Variants in ARL17A observed in about 807,000 individuals in gnomAD.
ARL17A encodes the protein ARF like GTPase 17A, also known as ADP-ribosylation factor-like 17-like.
chr17:46,502,938 C>T, the ARL17A span, among the ~76,000 whole-genome samples: 26 of 150,474 alleles, frequency 1.7e-4, 3 homozygotes, highest in African/African-American at 5.5e-4. Context: ...CATTGCCAGG[C>T]GTGGTGGCTC....
At chr17:46,530,020 GTTGT>G (rs2053430352) in intron 4 of ARL17A, among the ~76,000 whole-genome samples, 2 of 146,434 alleles carry the variant, frequency 1.4e-5, no homozygotes, top group African/African-American at 5.1e-5. Context: ...ACTTTGCCAA[GTTGT>G]TTGGCTACAT....
the ARL17A span, among the ~76,000 whole-genome samples, chr17:46,500,490 T>A: frequency 6.7e-6 from 1 of 149,820 alleles, no homozygotes; most frequent in East Asian, 2.0e-4. Context: ...ATTTACCAGA[T>A]GATTTTTGTG....
downstream of ARL17A, among the ~76,000 whole-genome samples, chr17:46,516,490 G>T (rs1305507682): frequency 4.2e-5 from 6 of 143,818 alleles, no homozygotes; most frequent in Admixed American, 2.8e-4. Context: ...GCCATAATTT[G>T]TTAAATAGGA....
downstream of ARL17A, chr17:46,548,183 T>G: frequency 1.2e-4 from 28 of 233,216 alleles, no homozygotes; most frequent in South Asian, 7.5e-4. Context: ...GGGTGTGTGT[T>G]TCTCCTCTCT....
chr17:46,543,563 G>C (rs2055803519), intron 3 of ARL17A, among the ~76,000 whole-genome samples: 1 of 150,900 alleles, frequency 6.6e-6, no homozygotes, highest in African/African-American at 2.5e-5. Flanking sequence ...GGTTATGTCA[G>C]AGAATGCCTT....
chr17:46,501,477 A>G, the ARL17A span, among the ~76,000 whole-genome samples: 39 of 151,314 alleles, frequency 2.6e-4, 4 homozygotes, highest in African/African-American at 8.9e-4. Flanking sequence ...GCCTGACCAT[A>G]TATTTACCTT....
At position 46,541,264 on chromosome 17, in the gene ARL17A, G is replaced by A. The variant is rs556835507; in HGVS notation, c.260-2838C>T. On this transcript the variant is annotated intron_variant, in intron 3 of 4. Coordinates refer to the ARL17A transcript ENST00000329240. ...TTCACAAAGCCTAATTTTTTTTTTT[G>A]TTTTTGAAATGGAATCTCACTCTGT... Among the ~76,000 whole-genome samples the A allele has an allele frequency of 3.4e-5, 5 of 148,676 alleles. No homozygotes were observed. In the East Asian group the frequency reaches 9.8e-4, roughly 29 times the overall value.
At chr17:46,534,595 C>A (rs1317575415) in intron 4 of ARL17A, among the ~76,000 whole-genome samples, 3 of 148,132 alleles carry the variant, frequency 2.0e-5, no homozygotes, top group Non-Finnish European at 4.4e-5. Context: ...ATGTCTACTT[C>A]TTTCTACACA....
downstream of ARL17A, among the ~76,000 whole-genome samples, chr17:46,525,617 C>A (rs56025260): frequency 0.6 from 63,138 of 104,576 alleles, 14,362 homozygotes; most frequent in East Asian, 0.83. Flanking sequence ...TAATAATAAT[C>A]ATCATCATCA....
downstream of ARL17A, chr17:46,549,018 G>T (rs527794638): frequency 3.1e-6 from 5 of 1,612,326 alleles, no homozygotes; most frequent in Middle Eastern, 3.3e-4. Flanking sequence ...CAAATACGAA[G>T]ACGTCTAAAC....
chr17:46,545,616 T>C (rs200056038), intron 3 of ARL17A, among the ~76,000 whole-genome samples: 4,997 of 124,644 alleles, frequency 0.04, 13 homozygotes, highest in East Asian at 0.3. Context: ...AGTGACACTT[T>C]TAAAAATTCT....
intron 2 of ARL17A, among the ~76,000 whole-genome samples, chr17:46,575,011 G>A (rs1404778676): frequency 2.7e-5 from 2 of 74,618 alleles, no homozygotes; most frequent in African/African-American, 8.7e-5. Context: ...CATGAGAATC[G>A]CCTGAACCCA....
Position 46,553,341 on chromosome 17 carries a change from G to A in ARL17A, c.*4015C>T. 6.2e-7 allele frequency: 1 copy of A among 1,608,598 alleles called. No homozygotes were observed. Among genetic ancestry groups the A allele is most frequent in the South Asian group, 1.1e-5 (1 of 90,976 alleles). On this transcript the variant is annotated 3_prime_UTR_variant, in exon 4 of 4. Transcript: ENST00000336125. ...ATAATGAATAAAAGGAATCAATACA[G>A]ATTTGGAGACGGTGGTTGTTGTCAT...
At chr17:46,503,136 C>G in the ARL17A span, among the ~76,000 whole-genome samples, 1 of 147,426 alleles carries the variant, frequency 6.8e-6, no homozygotes, top group Non-Finnish European at 1.5e-5. Flanking sequence ...GGCGTGAACC[C>G]GGGAGGCGGA....
intron 3 of ARL17A, among the ~76,000 whole-genome samples, chr17:46,545,299 AAATT>A (rs2056116476): frequency 6.8e-6 from 1 of 147,732 alleles, no homozygotes; most frequent in Non-Finnish European, 1.5e-5. Context: ...AAAAAAAAAA[AAATT>A]AGCTGGGCAT....
chr17:46,501,052 G>A, the ARL17A span, among the ~76,000 whole-genome samples: 1 of 151,240 alleles, frequency 6.6e-6, no homozygotes, highest in Non-Finnish European at 1.5e-5. Context: ...GCATGGTGGT[G>A]GTACTTTTTA....
intron 4 of ARL17A, among the ~76,000 whole-genome samples, chr17:46,531,911 T>G (rs2053687342): frequency 7.5e-6 from 1 of 133,236 alleles, no homozygotes; most frequent in Non-Finnish European, 1.5e-5. Context: ...TACTCCCATG[T>G]TTTTGTGTAA....
rs1433500833 is a variant in ARL17A, at chr17:46,539,123, A to AT, written c.260-698dup. ...CTACTTGGGAGGCTAAGGCAGGAGA[A>AT]TTGCTTGAACCTGGGAGGCGGAGAT... is the stretch of plus-strand genomic sequence containing the variant. On this transcript the variant is annotated intron_variant, in intron 3 of 4. Coordinates refer to the ARL17A transcript ENST00000329240. Among the ~76,000 whole-genome samples the AT allele has an allele frequency of 1.2e-4, 8 of 67,394 alleles. No individual in the cohort carries two copies. In the East Asian group the frequency reaches 2.0e-3, roughly 17 times the overall value. The allele number at this position is 67,394 out of a possible 152,430, so 44.2% of individuals were successfully genotyped here.
chr17:46,539,768 CA>C (rs1204528686), intron 3 of ARL17A, among the ~76,000 whole-genome samples: 25,890 of 66,766 alleles, frequency 0.39, 2,682 homozygotes, highest in East Asian at 0.6. Flanking sequence ...GACTCCATCT[CA>C]AAAAAAAAAA....
Sources: gnomAD v4.1 joint callset for allele counts (sites outside exome capture counted in the v4.1 genomes callset) on GRCh38, gnomAD v4.1.1 for gene constraint, MANE v1.5 for transcripts, NCBI Gene and HGNC (gene_info 2026-07-23, HGNC 2026-07-21) for gene names.